Variants in AGL observed in about 807,000 individuals in gnomAD.
The protein encoded by AGL is amylo-alpha-1,6-glucosidase and 4-alpha-glucanotransferase.
Under a neutral mutation model 199.3 loss-of-function variants are expected in AGL, and 128 were observed. The ratio of observed to expected loss-of-function variants is 0.64; its 90% CI spans 0.56 to 0.74. The LOEUF (loss-of-function observed/expected upper bound fraction) is 0.74, where lower values mean the gene tolerates loss of function less well. Among genes scored for constraint, AGL ranks in the 30% least tolerant of loss-of-function variants. The pLI is 0.00. For missense variants in AGL, 1,809 were observed against 1,820.8 expected (o/e 0.99, Z 0.12); for synonymous variants, 584 against 594.7 (o/e 0.98, Z 0.26).
intron 26 of AGL, among the ~76,000 whole-genome samples, chr1:99,901,915 T>C (rs546158565): frequency 6.6e-6 from 1 of 152,252 alleles, no homozygotes; most frequent in African/African-American, 2.4e-5. Context: ...TCTGTTACAA[T>C]GAATATAGGT....
chr1:99,852,572 C>A, intron 2 of AGL: 1 of 607,140 alleles, frequency 1.6e-6, no homozygotes, highest in South Asian at 1.9e-5. Flanking sequence ...AACTGGGTCT[C>A]ACTATGTTGC....
intron 13 of AGL, 21 bp from the exon 14 acceptor site, chr1:99,880,611 A>G (rs1385683223): frequency 6.2e-7 from 1 of 1,612,794 alleles, no homozygotes; most frequent in Admixed American, 1.7e-5. Context: ...GATTGTTAAA[A>G]TATTCTGTAA....
chr1:99,896,396 A>G lies in AGL; in HGVS notation c.3362+8A>G, dbSNP rs920663521. ...ACGCTATGTAGAAGCCAGGTAGGAGAGCCTCTAAAGTGTTGTACTGCGAGT... is the reference window on the plus strand; with the variant it reads ...ACGCTATGTAGAAGCCAGGTAGGAGGGCCTCTAAAGTGTTGTACTGCGAGT... On this transcript the variant is annotated splice_region_variant and intron_variant, in intron 25 of 33. Coordinates refer to ENST00000361915, the MANE Select transcript of AGL (RefSeq NM_000642.3). 1 of 1,596,746 alleles carries G rather than the reference A, an allele frequency of 6.3e-7. No individual in the cohort carries two copies. The highest frequency in any genetic ancestry group is 1.3e-5 in the African/African-American group (1 of 74,610).
chr1:99,870,885 T>G lies in AGL; in HGVS notation c.958+16T>G, dbSNP rs778604889. 1 of 1,422,088 alleles carries G rather than the reference T, an allele frequency of 7.0e-7. No individual in the cohort carries two copies. The highest frequency in any genetic ancestry group is 1.2e-5 in the South Asian group (1 of 86,070). 88.1% of individuals were successfully genotyped at this position (1,422,088 alleles called of 1,614,324 possible). ...CTTACACAAGGTAAAGGATACATACTAGAATGTTCCTATCGATTTTAAGAA... is the reference window on the plus strand; with the variant it reads ...CTTACACAAGGTAAAGGATACATACGAGAATGTTCCTATCGATTTTAAGAA... On this transcript the variant is annotated intron_variant, in intron 7 of 33. Coordinates refer to ENST00000361915, the MANE Select transcript of AGL (RefSeq NM_000642.3).
At chr1:99,852,002 C>A (rs1005139303) in intron 2 of AGL, among the ~76,000 whole-genome samples, 1 of 152,164 alleles carries the variant, frequency 6.6e-6, no homozygotes, top group Admixed American at 6.5e-5. Flanking sequence ...TTTTGGCTTT[C>A]CTGACTCTGC....
In AGL at chr1:99,877,837, A is replaced by G. The variant is rs2101137063; in HGVS notation, c.1611+9A>G. ...CTCTTCACGTAGCTGAGGTACAGAA[A>G]AACAATTTATCTACATTAAGAAAAG... is the stretch of plus-strand genomic sequence containing the variant. On this transcript the variant is annotated intron_variant, in intron 12 of 33. Transcript: ENST00000361915. The G allele has an allele frequency of 1.2e-6, 2 of 1,613,290 alleles. No individual in the cohort carries two copies. Among genetic ancestry groups the G allele is most frequent in the Non-Finnish European group, 1.7e-6 (2 of 1,179,368 alleles).
chr1:99,894,497 A>G (rs970159303), intron 24 of AGL, among the ~76,000 whole-genome samples: 3 of 152,176 alleles, frequency 2.0e-5, no homozygotes. Context: ...TGCTGTCATC[A>G]CTATCATCAA....
Position 99,862,435 on chromosome 1 carries a change from T to A in AGL, c.460+12T>A. 2 of 1,613,664 alleles carry A rather than the reference T, an allele frequency of 1.2e-6. No individual in the cohort carries two copies. The highest frequency in any genetic ancestry group is 1.7e-6 in the Non-Finnish European group (2 of 1,179,692). On this transcript the variant is annotated intron_variant, in intron 4 of 33. Coordinates refer to ENST00000361915, the MANE Select transcript of AGL (RefSeq NM_000642.3). Reference sequence around the variant, plus strand: ...TGCAAAAGAATCAGGTAATGTCAGCTTGCTTTCTTTTTCTTATTTAAAAAA... The same window carrying A: ...TGCAAAAGAATCAGGTAATGTCAGCATGCTTTCTTTTTCTTATTTAAAAAA...
chr1:99,864,587 C>T lies in AGL; in HGVS notation c.662C>T (p.Thr221Ile), dbSNP rs1415593167. Reference protein sequence around the residue: ...ICITDVVYNHTAANSKWIQEH... With the variant: ...ICITDVVYNHIAANSKWIQEH... ...ATTACTGATGTTGTCTACAATCATA[C>T]TGGTATGAGCTTCATTGACTGCCTT... The change falls in exon 5 of 34, where the codon ACT becomes ATT. Residue 221 changes from threonine (T) to isoleucine (I), a missense_variant and splice_region_variant. Physicochemically the swap from Thr to Ile is moderately conservative, Grantham distance 89. Coordinates refer to ENST00000361915, the MANE Select transcript of AGL (RefSeq NM_000642.3). 25 of 1,612,184 alleles carry T rather than the reference C, an allele frequency of 1.6e-5. No homozygotes were observed. The highest frequency in any genetic ancestry group is 2.0e-5 in the Non-Finnish European group (23 of 1,178,522).
In AGL at chr1:99,887,990, A is replaced by T. The variant is rs757076841; in HGVS notation, c.2694A>T (p.Arg898Ser). 1.2e-5 allele frequency: 20 copies of T among 1,613,314 alleles called. No individual in the cohort carries two copies. The highest frequency in any genetic ancestry group is 1.7e-5 in the Non-Finnish European group (20 of 1,179,590). ...TTCCAATTCTTAGTCTTGCCTCCAG[A>T]TTAACTTTGGCTGAGCTAAATCAGA... ...LKIPFASLASRLTLAELNQIL... is the reference protein window; with the variant it reads ...LKIPFASLASSLTLAELNQIL... The change falls in exon 21 of 34, where the codon AGA becomes AGT. Residue 898 changes from arginine to serine, a missense_variant. Transcript: ENST00000361915.
intron 27 of AGL, among the ~76,000 whole-genome samples, chr1:99,905,642 A>G (rs1411566441): frequency 6.6e-6 from 1 of 152,132 alleles, no homozygotes; most frequent in African/African-American, 2.4e-5. Flanking sequence ...GTGGTGCATC[A>G]TAGCTCACTC....
chr1:99,867,412 G>A (rs1650609955), intron 5 of AGL, among the ~76,000 whole-genome samples: 2 of 152,092 alleles, frequency 1.3e-5, no homozygotes. Context: ...CTCCACTCCT[G>A]GTAGGTGTGG....
At chr1:99,866,632 T>TA (rs562330693) in intron 5 of AGL, among the ~76,000 whole-genome samples, 34 of 152,292 alleles carry the variant, frequency 2.2e-4, no homozygotes, top group Admixed American at 9.2e-4. Flanking sequence ...ATTTTATTAC[T>TA]AAAGAAAGAA....
chr1:99,856,716 C>A (rs1025193075), intron 2 of AGL, among the ~76,000 whole-genome samples: 1 of 152,110 alleles, frequency 6.6e-6, no homozygotes, highest in Non-Finnish European at 1.5e-5. Flanking sequence ...ATCCATTTAA[C>A]CCTGAGTGAA....
intron 10 of AGL, among the ~76,000 whole-genome samples, chr1:99,875,680 T>TA (rs1651461512): frequency 6.6e-6 from 1 of 152,210 alleles, no homozygotes; most frequent in Non-Finnish European, 1.5e-5. Context: ...AGTTATTATT[T>TA]AATGTTTCTG....
In AGL at chr1:99,921,536, C is replaced by A; in HGVS notation, c.4484C>A (p.Ser1495Tyr). 1.2e-6 allele frequency: 2 copies of A among 1,600,418 alleles called. No homozygotes were observed. The highest frequency in any genetic ancestry group is 1.7e-6 in the Non-Finnish European group (2 of 1,167,994). The change falls in exon 34 of 34, where the codon TCC becomes TAC. Residue 1495 changes from serine to tyrosine, a missense_variant and splice_region_variant. Transcript: ENST00000361915. Reference sequence around the variant, plus strand: ...AAAATGTCTTTTCTTTCATTCAGATCCCCTTGGAAAGGACTTCCAGAACTG... The same window carrying A: ...AAAATGTCTTTTCTTTCATTCAGATACCCTTGGAAAGGACTTCCAGAACTG... ...LSRHYVHLERSPWKGLPELTN... is the reference protein window; with the variant it reads ...LSRHYVHLERYPWKGLPELTN...
chr1:99,907,838 A>T (rs916912340), intron 27 of AGL, among the ~76,000 whole-genome samples: 1 of 151,818 alleles, frequency 6.6e-6, no homozygotes, highest in African/African-American at 2.4e-5. Flanking sequence ...AGAAATGTCT[A>T]TTCACATCCT....
chr1:99,872,376 A>G (rs1651092378), intron 7 of AGL, among the ~76,000 whole-genome samples: 1 of 152,192 alleles, frequency 6.6e-6, no homozygotes, highest in Non-Finnish European at 1.5e-5. Flanking sequence ...ATTGTTAAAC[A>G]TGGAATTATT....
At chr1:99,850,678 C>T (rs888594727) in intron 1 of AGL, 1 of 262,600 alleles carries the variant, frequency 3.8e-6, no homozygotes, top group East Asian at 1.0e-4. Context: ...GGGAATGTCC[C>T]CCTGACTTCA....
Sources: gnomAD v4.1 joint callset for allele counts (sites outside exome capture counted in the v4.1 genomes callset) on GRCh38, gnomAD v4.1.1 for gene constraint, MANE v1.5 for transcripts, NCBI Gene and HGNC (gene_info 2026-07-23, HGNC 2026-07-21) for gene names.